NAALADL2: variants seen among roughly 807,000 people sequenced by gnomAD.
The protein encoded by NAALADL2 is inactive N-acetylated-alpha-linked acidic dipeptidase-like protein 2.
NAALADL2 carries 76 observed loss-of-function variants against 87.2 expected under a neutral mutation model. The ratio of observed to expected loss-of-function variants is 0.87; its 90% CI spans 0.72 to 1.05. The LOEUF (loss-of-function observed/expected upper bound fraction) is 1.05, where lower values mean the gene tolerates loss of function less well. Among genes scored for constraint, NAALADL2 ranks in the 50% least tolerant of loss-of-function variants. The pLI, the probability that NAALADL2 is intolerant of heterozygous loss-of-function variation, is 0.00. For missense variants in NAALADL2, 1,089 were observed against 945.8 expected, an observed-to-expected ratio of 1.15 and a Z score of -1.99; for synonymous variants, 354 against 331.0, an observed-to-expected ratio of 1.07 and a Z score of -0.75.
At chr3:175,377,666 G>A (rs1767304032) in intron 5 of NAALADL2, among the ~76,000 whole-genome samples, 2 of 152,120 alleles carry the variant, frequency 1.3e-5, no homozygotes, top group African/African-American at 4.8e-5. Context: ...GCTGAAATGT[G>A]TCCTTTTCCT....
At chr3:175,787,582 CG>C (rs1331621829) in intron 13 of NAALADL2, among the ~76,000 whole-genome samples, 4 of 152,210 alleles carry the variant, frequency 2.6e-5, no homozygotes, top group African/African-American at 4.8e-5. Flanking sequence ...GCGCACGGTG[CG>C]CGCACCCACT....
chr3:175,029,065 A>ATATATATAT (rs397705567), intron 1 of NAALADL2, among the ~76,000 whole-genome samples: 1 of 147,346 alleles, frequency 6.8e-6, no homozygotes. Context: ...ATATATATAT[A>ATATATATAT]AAAAACTCAA....
intron 1 of NAALADL2, among the ~76,000 whole-genome samples, chr3:174,442,596 C>CTATT (rs1714746225): frequency 1.3e-5 from 2 of 152,074 alleles, no homozygotes; most frequent in South Asian, 4.1e-4. Context: ...GTAGAACACT[C>CTATT]AATACTTATT....
chr3:175,756,610 G>A (rs1244314889), intron 13 of NAALADL2, among the ~76,000 whole-genome samples: 3 of 152,058 alleles, frequency 2.0e-5, no homozygotes, highest in Admixed American at 2.0e-4. Context: ...CATATAAGTT[G>A]GAGATAATAA....
chr3:175,431,705 A>G (rs1310423734), intron 5 of NAALADL2, among the ~76,000 whole-genome samples: 1 of 152,048 alleles, frequency 6.6e-6, no homozygotes, highest in African/African-American at 2.4e-5. Flanking sequence ...TGAACAGGTC[A>G]GGATATTTTA....
intron 10 of NAALADL2, among the ~76,000 whole-genome samples, chr3:175,577,926 T>C (rs1169231049): frequency 6.6e-6 from 1 of 152,084 alleles, no homozygotes; most frequent in Non-Finnish European, 1.5e-5. Flanking sequence ...ACCCATGATG[T>C]AAAAAATATT....
At chr3:174,707,009 G>C (rs535980179) in intron 2 of NAALADL2, among the ~76,000 whole-genome samples, 29 of 152,142 alleles carry the variant, frequency 1.9e-4, no homozygotes, top group Non-Finnish European at 3.8e-4. Flanking sequence ...CTTCTCAAAA[G>C]AAGACATTTA....
intron 11 of NAALADL2, among the ~76,000 whole-genome samples, chr3:175,721,795 T>C (rs1044549905): frequency 6.6e-6 from 1 of 152,044 alleles, no homozygotes; most frequent in African/African-American, 2.4e-5. Context: ...CTACATAAGA[T>C]AATCTTCCTA....
In NAALADL2 at chr3:174,769,326, G is replaced by A. The variant is rs533784575; in HGVS notation, c.-9+31580G>A. Reference sequence around the variant, plus strand: ...TTTCTGTTTTTCTTTTTTCACCTGCGTGGTATGATAAAGGTTAAATCTTAG... The same window carrying A: ...TTTCTGTTTTTCTTTTTTCACCTGCATGGTATGATAAAGGTTAAATCTTAG... On this transcript the variant is annotated intron_variant, in intron 3 of 3. Coordinates refer to the NAALADL2 transcript ENST00000434257. Among the ~76,000 whole-genome samples the A allele has an allele frequency of 7.2e-5, 11 of 151,878 alleles. No individual in the cohort carries two copies. The South Asian group carries it at 1.0e-3, about 14-fold the overall frequency.
At chr3:174,768,600 C>A (rs1178129294) in intron 3 of NAALADL2, among the ~76,000 whole-genome samples, 1 of 152,072 alleles carries the variant, frequency 6.6e-6, no homozygotes, top group Non-Finnish European at 1.5e-5. Flanking sequence ...AAAAAATAAT[C>A]CCTTTTTATC....
chr3:174,856,728 A>G (rs1376164002), upstream of NAALADL2, among the ~76,000 whole-genome samples: 4 of 152,192 alleles, frequency 2.6e-5, no homozygotes, highest in Non-Finnish European at 5.9e-5. Context: ...ATTAGGAAAG[A>G]AAATTTTATT....
chr3:175,137,279 AT>A lies in NAALADL2; in HGVS notation c.545+39995del, dbSNP rs374404306. 2.4e-4 allele frequency among the ~76,000 whole-genome samples: 36 copies of A among 152,220 alleles called. No homozygotes were observed. In the East Asian group the frequency reaches 2.7e-3, roughly 11 times the overall value. The stretch of plus-strand genomic sequence containing the variant: ...TGTTTCCTTTGCACAAGGATGTATA[AT>A]TTTTTTAAATGTTTCACCCACATAT... On this transcript the variant is annotated intron_variant, in intron 2 of 13. Transcript: ENST00000454872.
chr3:175,385,350 A>G (rs1437300534), intron 5 of NAALADL2, among the ~76,000 whole-genome samples: 1 of 152,052 alleles, frequency 6.6e-6, no homozygotes. Flanking sequence ...TCCATTGTGA[A>G]ATTGTTATTT....
chr3:175,769,108 C>A (rs1245666214), intron 13 of NAALADL2, among the ~76,000 whole-genome samples: 1 of 152,038 alleles, frequency 6.6e-6, no homozygotes, highest in Non-Finnish European at 1.5e-5. Context: ...ACCTTTCTTA[C>A]CTGTAAGTTA....
At chr3:175,685,116 A>G (rs866875102) in intron 11 of NAALADL2, among the ~76,000 whole-genome samples, 3 of 152,184 alleles carry the variant, frequency 2.0e-5, no homozygotes, top group African/African-American at 7.2e-5. Context: ...ACATTTGTTC[A>G]GCAATTATGT....
chr3:174,493,826 T>C (rs1057089960), intron 1 of NAALADL2, among the ~76,000 whole-genome samples: 3 of 152,230 alleles, frequency 2.0e-5, no homozygotes, highest in Non-Finnish European at 4.4e-5. Context: ...ATAAATTTAA[T>C]GTAGTCTATG....
chr3:174,587,755 A>T (rs1383350265), intron 2 of NAALADL2, among the ~76,000 whole-genome samples: 1 of 152,176 alleles, frequency 6.6e-6, no homozygotes, highest in African/African-American at 2.4e-5. Context: ...ACTGTTAGAC[A>T]AATGGGCTTC....
At chr3:174,547,681 A>G (rs1051814993) in intron 1 of NAALADL2, among the ~76,000 whole-genome samples, 3 of 152,132 alleles carry the variant, frequency 2.0e-5, no homozygotes, top group African/African-American at 7.2e-5. Context: ...TTCCTAAGAT[A>G]TCATTTTTCT....
intron 2 of NAALADL2, among the ~76,000 whole-genome samples, chr3:175,195,615 G>T (rs1738869365): frequency 6.6e-6 from 1 of 151,804 alleles, no homozygotes; most frequent in African/African-American, 2.4e-5. Flanking sequence ...TGAAGATGAT[G>T]AATGCAAAGA....
Sources: gnomAD v4.1 joint callset for allele counts (sites outside exome capture counted in the v4.1 genomes callset) on GRCh38, gnomAD v4.1.1 for gene constraint, MANE v1.5 for transcripts, NCBI Gene and HGNC (gene_info 2026-07-23, HGNC 2026-07-21) for gene names.